The following ADAMTS6 variants were observed in gnomAD, a reference collection of about 807,000 sequenced individuals.
The protein encoded by ADAMTS6 is A disintegrin and metalloproteinase with thrombospondin motifs 6.
In ADAMTS6, 23 loss-of-function variants were observed where a neutral mutation model predicts 144.3. The ratio of observed to expected loss-of-function variants is 0.16; its 90% CI spans 0.11 to 0.23. ADAMTS6 has a LOEUF of 0.23. Ranked by LOEUF, ADAMTS6 falls within the 10% of genes least tolerant of loss-of-function variation. The pLI is 1.00. For synonymous variants in ADAMTS6, 444 were observed against 457.5 expected, an observed-to-expected ratio of 0.97 and a Z score of 0.38; for missense variants, 999 against 1,379.6, an observed-to-expected ratio of 0.72 and a Z score of 4.37.
intron 14 of ADAMTS6, among the ~76,000 whole-genome samples, chr5:65,258,850 T>C (rs1760916574): frequency 1.3e-5 from 2 of 152,190 alleles, no homozygotes; most frequent in African/African-American, 4.8e-5. Flanking sequence ...AAACATTAGA[T>C]GTCCATTAAA....
At chr5:65,455,678 C>G (rs1354599052) in intron 4 of ADAMTS6, among the ~76,000 whole-genome samples, 1 of 151,908 alleles carries the variant, frequency 6.6e-6, no homozygotes, top group Non-Finnish European at 1.5e-5. Flanking sequence ...TGGCACACAT[C>G]TGTAGTCCCA....
chr5:65,306,354 T>G (rs1743938730), intron 9 of ADAMTS6, among the ~76,000 whole-genome samples: 1 of 152,198 alleles, frequency 6.6e-6, no homozygotes, highest in Admixed American at 6.5e-5. Context: ...TTATTGTGAG[T>G]GTATGGGAGT....
At chr5:65,161,320 G>A (rs1010871865) in intron 24 of ADAMTS6, among the ~76,000 whole-genome samples, 2 of 152,186 alleles carry the variant, frequency 1.3e-5, no homozygotes, top group Non-Finnish European at 2.9e-5. Flanking sequence ...TTGCAGGCGT[G>A]AGCCACCGTG....
intron 7 of ADAMTS6, among the ~76,000 whole-genome samples, chr5:65,421,733 G>A (rs1229466325): frequency 6.6e-6 from 1 of 152,076 alleles, no homozygotes; most frequent in Non-Finnish European, 1.5e-5. Flanking sequence ...TAACATAAAT[G>A]GTGCTTGGAA....
rs1756786487 is a variant in ADAMTS6, at chr5:65,214,738, A to T, written c.2575+56T>A. On this transcript the variant is annotated intron_variant, in intron 20 of 24. Coordinates refer to ENST00000381055, the MANE Select transcript of ADAMTS6 (RefSeq NM_197941.4). The surrounding 1 kb of genome is among the most constrained non-coding windows in gnomAD (Gnocchi z 4.6). The stretch of plus-strand genomic sequence containing the variant: ...TTAACAAACACAAAGCATAGCTCAG[A>T]ATGTGTTTTGTTCTCCATCTTGCCC... 2 of 1,610,634 alleles carry T rather than the reference A, an allele frequency of 1.2e-6. No homozygotes were observed. Among genetic ancestry groups the T allele is most frequent in the African/African-American group, 1.3e-5 (1 of 74,972 alleles).
intron 9 of ADAMTS6, among the ~76,000 whole-genome samples, chr5:65,311,957 A>G (rs2112845324): frequency 6.6e-6 from 1 of 152,198 alleles, no homozygotes; most frequent in South Asian, 2.1e-4. Flanking sequence ...TTGCTAATAT[A>G]TCAACATCAT....
intron 7 of ADAMTS6, 134 bp from the exon 8 acceptor site, chr5:65,334,219 C>A: frequency 1.0e-6 from 1 of 983,470 alleles, no homozygotes; most frequent in Non-Finnish European, 1.5e-6. Context: ...GGAGTGTCGG[C>A]ATTTTCAGCA....
At chr5:65,450,512 C>G (rs1243277129) in intron 7 of ADAMTS6, among the ~76,000 whole-genome samples, 1 of 152,052 alleles carries the variant, frequency 6.6e-6, no homozygotes, top group African/African-American at 2.4e-5. Context: ...AACCATCATA[C>G]CAAAGACTAT....
chr5:65,211,135 A>G (rs116753465), intron 20 of ADAMTS6, among the ~76,000 whole-genome samples: 4,942 of 152,278 alleles, frequency 0.032, 141 homozygotes, highest in Non-Finnish European at 0.046. Context: ...CAAAGTTCCT[A>G]AACTCTAAAG....
At chr5:65,478,381 A>G (rs2150294599) in intron 1 of ADAMTS6, among the ~76,000 whole-genome samples, 1 of 152,354 alleles carries the variant, frequency 6.6e-6, no homozygotes, top group South Asian at 2.1e-4. Flanking sequence ...TTTAAATTGT[A>G]TAGCAGAAAC....
chr5:65,285,183 G>T (rs547067735), intron 11 of ADAMTS6, among the ~76,000 whole-genome samples: 1 of 152,114 alleles, frequency 6.6e-6, no homozygotes, highest in Non-Finnish European at 1.5e-5. Context: ...TTATTTTCTG[G>T]CATCTTGCTG....
intron 7 of ADAMTS6, among the ~76,000 whole-genome samples, chr5:65,392,266 T>C (rs1349318963): frequency 1.3e-5 from 2 of 152,156 alleles, no homozygotes; most frequent in Non-Finnish European, 2.9e-5. Flanking sequence ...TTTTTCCTTA[T>C]TGCAATTTAA....
At chr5:65,331,715 T>C (rs1188001439) in intron 8 of ADAMTS6, among the ~76,000 whole-genome samples, 1 of 151,952 alleles carries the variant, frequency 6.6e-6, no homozygotes, top group Admixed American at 6.6e-5. Flanking sequence ...TCAGAATTAT[T>C]AAGCAAAAGA....
intron 7 of ADAMTS6, among the ~76,000 whole-genome samples, chr5:65,435,711 C>T (rs931775933): frequency 1.3e-5 from 2 of 151,880 alleles, no homozygotes; most frequent in African/African-American, 2.4e-5. Context: ...CTGCAACCTC[C>T]GCCTCCTGGG....
At chr5:65,250,420 A>G (rs916704057) in intron 14 of ADAMTS6, among the ~76,000 whole-genome samples, 2 of 152,210 alleles carry the variant, frequency 1.3e-5, no homozygotes, top group Non-Finnish European at 2.9e-5. Flanking sequence ...CCACAACCAA[A>G]GCAAAAACAC....
chr5:65,285,323 A>T (rs1275781250), intron 11 of ADAMTS6, among the ~76,000 whole-genome samples: 1 of 152,090 alleles, frequency 6.6e-6, no homozygotes, highest in African/African-American at 2.4e-5. Context: ...CACCTCTTCA[A>T]ATACACAGGC....
chr5:65,371,157 A>G lies in ADAMTS6; in HGVS notation c.1074-37072T>C, dbSNP rs539343313. ...TCAAAGACCAAAAGTAGATAAAACC[A>G]CAAAGATGGGGAAAAAAACAGAGCA... On this transcript the variant is annotated intron_variant, in intron 7 of 24. Coordinates refer to ENST00000381055, the MANE Select transcript of ADAMTS6 (RefSeq NM_197941.4). Among the ~76,000 whole-genome samples the G allele has an allele frequency of 2.6e-5, 4 of 152,328 alleles. No homozygotes were observed. In the East Asian group the frequency reaches 7.7e-4, roughly 29 times the overall value.
intron 11 of ADAMTS6, among the ~76,000 whole-genome samples, chr5:65,287,956 C>CTA (rs1741850478): frequency 6.6e-6 from 1 of 152,228 alleles, no homozygotes; most frequent in African/African-American, 2.4e-5. Flanking sequence ...GTATATTGTA[C>CTA]TGTACTGTTT....
intron 7 of ADAMTS6, among the ~76,000 whole-genome samples, chr5:65,364,875 G>C (rs1373024438): frequency 6.6e-6 from 1 of 151,926 alleles, no homozygotes; most frequent in African/African-American, 2.4e-5. Flanking sequence ...CTGCCTGATT[G>C]AATTTCTTAC....
Sources: allele counts gnomAD v4.1 joint callset (sites outside exome capture counted in the v4.1 genomes callset), GRCh38; gene constraint gnomAD v4.1.1; non-coding constraint Gnocchi (gnomAD v3.1); transcripts MANE v1.5; gene names NCBI Gene and HGNC (gene_info 2026-07-23, HGNC 2026-07-21).